Variants in EPM2A observed in about 807,000 individuals in gnomAD.
EPM2A encodes EPM2A glucan phosphatase, laforin.
EPM2A carries 21 observed loss-of-function variants against 26.5 expected under a neutral mutation model. That is an observed-to-expected ratio of 0.79 (90% CI 0.56 to 1.14). The LOEUF is 1.14. Among genes scored for constraint, EPM2A ranks in the 50% most tolerant of loss-of-function variants. The probability of loss-of-function intolerance (pLI) is 0.00; values close to 1 mark genes in which losing one functional copy is unlikely to be tolerated. For synonymous variants in EPM2A, 217 were observed against 177.6 expected, an observed-to-expected ratio of 1.22 and a Z score of -1.76; for missense variants, 458 against 440.8, an observed-to-expected ratio of 1.04 and a Z score of -0.35.
At chr6:145,558,841 C>A (rs1383194960) in intron 2 of EPM2A, among the ~76,000 whole-genome samples, 2 of 152,070 alleles carry the variant, frequency 1.3e-5, no homozygotes, top group Non-Finnish European at 2.9e-5. Context: ...TATGCAGAAG[C>A]AAAGCCTGTT....
At chr6:145,734,161 C>A (rs1776673644) in intron 1 of EPM2A, among the ~76,000 whole-genome samples, 1 of 152,170 alleles carries the variant, frequency 6.6e-6, no homozygotes, top group African/African-American at 2.4e-5. Flanking sequence ...TTCAATTAAG[C>A]CACTACTGTT....
At chr6:145,398,159 C>A (rs1236747191) in intron 4 of EPM2A, among the ~76,000 whole-genome samples, 2 of 152,020 alleles carry the variant, frequency 1.3e-5, no homozygotes, top group Non-Finnish European at 2.9e-5. Context: ...AACAACTAGA[C>A]ACCTATAGAT....
chr6:145,660,588 G>A (rs1054664082), intron 2 of EPM2A, among the ~76,000 whole-genome samples: 6 of 152,126 alleles, frequency 3.9e-5, no homozygotes, highest in African/African-American at 1.2e-4. Flanking sequence ...GATCACCTGA[G>A]GTCAGGAATT....
chr6:145,555,142 T>A (rs115798026), intron 2 of EPM2A, among the ~76,000 whole-genome samples: 262 of 152,212 alleles, frequency 1.7e-3, no homozygotes, highest in African/African-American at 5.9e-3. Flanking sequence ...CTTCACAGGA[T>A]CCTTGAATGG....
At chr6:145,722,674 C>T in intron 1 of EPM2A, 2 of 408,162 alleles carry the variant, frequency 4.9e-6, no homozygotes, top group East Asian at 7.7e-5. Context: ...ATATAAAAGT[C>T]CTAACTCCTA....
chr6:145,401,374 AAG>A (rs1778484023), intron 4 of EPM2A, among the ~76,000 whole-genome samples: 1 of 152,120 alleles, frequency 6.6e-6, no homozygotes, highest in Non-Finnish European at 1.5e-5. Context: ...TAGAATGGCA[AAG>A]AGTGTTCCTT....
chr6:145,668,276 T>G (rs1034188939), intron 2 of EPM2A, among the ~76,000 whole-genome samples: 3 of 151,676 alleles, frequency 2.0e-5, no homozygotes, highest in Non-Finnish European at 2.9e-5. Flanking sequence ...AAAAGGATAA[T>G]GAGACAAGCA....
intron 4 of EPM2A, among the ~76,000 whole-genome samples, chr6:145,453,590 G>C (rs921253402): frequency 3.3e-5 from 5 of 152,160 alleles, no homozygotes; most frequent in African/African-American, 1.2e-4. Context: ...GCAAAGATTA[G>C]ATTAAGGAGA....
intron 4 of EPM2A, among the ~76,000 whole-genome samples, chr6:145,433,468 A>T (rs903954436): frequency 1.1e-4 from 17 of 151,016 alleles, no homozygotes; most frequent in African/African-American, 4.1e-4. Flanking sequence ...CTTCTTTTGG[A>T]TTTATTTTTC....
intron 2 of EPM2A, among the ~76,000 whole-genome samples, chr6:145,541,310 G>A (rs1780507496): frequency 6.9e-6 from 1 of 145,384 alleles, no homozygotes; most frequent in Non-Finnish European, 1.5e-5. Flanking sequence ...GTGTGTGTGT[G>A]TATATACATA....
At chr6:145,662,484 A>T (rs770035498) in intron 2 of EPM2A, among the ~76,000 whole-genome samples, 2 of 152,192 alleles carry the variant, frequency 1.3e-5, no homozygotes, top group African/African-American at 2.4e-5. Context: ...AAGCAAGGTA[A>T]GGTAAACTTA....
intron 4 of EPM2A, among the ~76,000 whole-genome samples, chr6:145,410,066 G>A (rs12192540): frequency 0.078 from 11,823 of 152,236 alleles, 603 homozygotes; most frequent in South Asian, 0.17. Flanking sequence ...GGGTATAGAT[G>A]TCGGGAGCCT....
intron 2 of EPM2A, among the ~76,000 whole-genome samples, chr6:145,540,831 A>G (rs1780496753): frequency 6.6e-6 from 1 of 152,220 alleles, no homozygotes; most frequent in Admixed American, 6.5e-5. Context: ...TGTATATGAT[A>G]GAAATTACCT....
At chr6:145,423,388 C>A (rs1267968419) in intron 4 of EPM2A, among the ~76,000 whole-genome samples, 1 of 152,136 alleles carries the variant, frequency 6.6e-6, no homozygotes, top group Non-Finnish European at 1.5e-5. Flanking sequence ...GGGCTTTCCA[C>A]CCAGATGTGG....
chr6:145,718,564 G>A (rs1047371221), intron 1 of EPM2A, among the ~76,000 whole-genome samples: 2 of 152,138 alleles, frequency 1.3e-5, no homozygotes, highest in Non-Finnish European at 2.9e-5. Flanking sequence ...CATGGGCAAG[G>A]ACTTCATCTC....
At chr6:145,539,766 G>A (rs565757102) in intron 2 of EPM2A, among the ~76,000 whole-genome samples, 1 of 152,198 alleles carries the variant, frequency 6.6e-6, no homozygotes, top group South Asian at 2.1e-4. Flanking sequence ...GATGTATGGG[G>A]TCTTGCTGAT....
chr6:145,731,214 T>C (rs1205333725), intron 1 of EPM2A, among the ~76,000 whole-genome samples: 1 of 152,214 alleles, frequency 6.6e-6, no homozygotes, highest in East Asian at 1.9e-4. Context: ...CGGAATTTTA[T>C]CCTTAACAAA....
intron 4 of EPM2A, among the ~76,000 whole-genome samples, chr6:145,405,165 C>T (rs1164641799): frequency 6.6e-6 from 1 of 152,094 alleles, no homozygotes; most frequent in Non-Finnish European, 1.5e-5. Context: ...CACAAAAGTA[C>T]CACCTAAGAA....
intron 2 of EPM2A, among the ~76,000 whole-genome samples, chr6:145,554,623 C>T (rs1036043865): frequency 6.6e-6 from 1 of 151,990 alleles, no homozygotes; most frequent in Non-Finnish European, 1.5e-5. Context: ...TACAAAGCAG[C>T]CAGTTCTGGC....
Sources: gnomAD v4.1 joint callset for allele counts (sites outside exome capture counted in the v4.1 genomes callset) on GRCh38, gnomAD v4.1.1 for gene constraint, MANE v1.5 for transcripts, NCBI Gene and HGNC (gene_info 2026-07-23, HGNC 2026-07-21) for gene names.